INTS14: variants seen among roughly 807,000 people sequenced by gnomAD.
INTS14 encodes the protein UPF0464 protein C15orf44.
Under a neutral mutation model 56.9 loss-of-function variants are expected in INTS14, and 27 were observed. The ratio of observed to expected loss-of-function variants is 0.47; its 90% CI spans 0.35 to 0.65. The LOEUF (loss-of-function observed/expected upper bound fraction) is 0.65, where lower values mean the gene tolerates loss of function less well. Among genes scored for constraint, INTS14 ranks in the 30% least tolerant of loss-of-function variants. The pLI is 0.00. For synonymous variants in INTS14, 207 were observed against 236.2 expected (o/e 0.88, Z 1.13); for missense variants, 517 against 632.2 (o/e 0.82, Z 1.95).
chr15:65,595,762 T>A lies in INTS14; in HGVS notation c.812A>T (p.His271Leu), dbSNP rs1422448542. The change falls in exon 7 of 12, where the codon CAT (histidine) becomes CTT (leucine). Residue 271 changes from histidine to leucine, a missense_variant. Transcript: ENST00000313182. ...GTTAAGTGCTATAGGTAAGACCAGA[T>A]GTCTGGACAGAACTGGGGGACTTGA... Reference protein sequence around the residue: ...DISSPPVLSRHLVLPIALNKE... With the variant: ...DISSPPVLSRLLVLPIALNKE... 2 of 1,610,750 alleles carry A rather than the reference T, an allele frequency of 1.2e-6. No individual in the cohort carries two copies. The highest frequency in any genetic ancestry group is 1.7e-6 in the Non-Finnish European group (2 of 1,179,082).
chr15:65,605,699 C>T (rs937035449), intron 2 of INTS14, among the ~76,000 whole-genome samples: 4 of 152,170 alleles, frequency 2.6e-5, no homozygotes, highest in African/African-American at 9.7e-5. Flanking sequence ...TTTCCCAGGT[C>T]TCATGACTAA....
chr15:65,610,583 T>C, intron 1 of INTS14: 1 of 1,340,616 alleles, frequency 7.5e-7, no homozygotes, highest in Non-Finnish European at 1.0e-6. Context: ...GCTAGACGTT[T>C]GTAATTCTTC....
At chr15:65,584,533 GTCTTCCT>G (rs1041043429) in intron 10 of INTS14, among the ~76,000 whole-genome samples, 2 of 152,128 alleles carry the variant, frequency 1.3e-5, no homozygotes, top group African/African-American at 4.8e-5. Context: ...TGGCACAATT[GTCTTCCT>G]TCTTCCTCCT....
intron 4 of INTS14, 128 bp from the exon 5 acceptor site, chr15:65,599,118 T>G (rs1398944738): frequency 1.6e-6 from 1 of 631,454 alleles, no homozygotes; most frequent in East Asian, 2.8e-5. Flanking sequence ...TAATAGCCAA[T>G]GTGAGAAGAA....
intron 9 of INTS14, among the ~76,000 whole-genome samples, chr15:65,590,515 A>G (rs763006296): frequency 6.6e-6 from 1 of 152,044 alleles, no homozygotes; most frequent in Non-Finnish European, 1.5e-5. Flanking sequence ...TTTGTGCCAC[A>G]CTTCCTTTTC....
At chr15:65,589,136 C>T (rs935672723) in intron 9 of INTS14, among the ~76,000 whole-genome samples, 3 of 152,196 alleles carry the variant, frequency 2.0e-5, no homozygotes, top group Non-Finnish European at 1.5e-5. Flanking sequence ...AGATAGGCAT[C>T]TTTGGTGAAA....
At chr15:65,583,682 A>G (rs2072711266) in intron 10 of INTS14, among the ~76,000 whole-genome samples, 2 of 152,206 alleles carry the variant, frequency 1.3e-5, no homozygotes, top group Non-Finnish European at 2.9e-5. Flanking sequence ...CATTTTATGT[A>G]TATTTTACCA....
rs1040493698 is a variant in INTS14, at chr15:65,579,127, A to G, written c.*281T>C. 6 of 363,350 alleles carry G rather than the reference A, an allele frequency of 1.7e-5. No homozygotes were observed. Among genetic ancestry groups the G allele is most frequent in the Non-Finnish European group, 2.5e-5 (5 of 198,872 alleles). 22.5% of individuals were successfully genotyped at this position (363,350 alleles called of 1,614,324 possible). A position where few individuals can be genotyped will look rare whatever the true frequency, so the allele number is the denominator to read the frequency against. ...AGGAAGGCAGGGGTGCTCTATGCTC[A>G]TCAGTCATTCAAGCTTCTCAGGAAA... On this transcript the variant is annotated 3_prime_UTR_variant, in exon 12 of 12. Transcript: ENST00000313182.
At position 65,593,409 on chromosome 15, in the gene INTS14, T is replaced by G; in HGVS notation, c.986+19A>C. The G allele has an allele frequency of 6.3e-7, 1 of 1,597,754 alleles. No individual in the cohort carries two copies. On this transcript the variant is annotated intron_variant, in intron 8 of 11. Transcript: ENST00000313182. ...TGATTTTCCCTTTCATTCAACCAAA[T>G]GTAAACAAAGTTTCCTACCCTAATT...
chr15:65,585,052 T>C (rs1258577497), intron 9 of INTS14, among the ~76,000 whole-genome samples, 164 bp from the exon 10 acceptor site: 3 of 152,274 alleles, frequency 2.0e-5, no homozygotes, highest in Non-Finnish European at 4.4e-5. Flanking sequence ...CTGTTCTCAA[T>C]AGAAAGCCAC....
chr15:65,601,800 T>C (rs2073443639), intron 3 of INTS14, among the ~76,000 whole-genome samples: 1 of 152,198 alleles, frequency 6.6e-6, no homozygotes, highest in African/African-American at 2.4e-5. Flanking sequence ...GTACCAAGAA[T>C]TGCTATACAA....
chr15:65,586,698 A>G (rs1416322305), intron 9 of INTS14: 1 of 152,246 alleles, frequency 6.6e-6, no homozygotes, highest in Non-Finnish European at 1.5e-5. Flanking sequence ...AAAAGTTATA[A>G]GATAAATTTG....
rs552491278 is a variant in INTS14 at position 65,587,843 on chromosome 15, A to G, written c.1121-2955T>C. 2.0e-3 allele frequency among the ~76,000 whole-genome samples: 302 copies of G among 152,206 alleles called. 1 individual carries two copies. The highest frequency in any genetic ancestry group is 0.012 in the South Asian group (60 of 4,820). ...AAAAAATCAAAAAAATTAGCCAGGC[A>G]TGGTGGCATGCACCCGTGGTCCCAG... On this transcript the variant is annotated intron_variant, in intron 9 of 11. Transcript: ENST00000313182.
intron 9 of INTS14, among the ~76,000 whole-genome samples, chr15:65,590,279 C>T (rs1475797111): frequency 6.6e-6 from 1 of 152,232 alleles, no homozygotes; most frequent in Admixed American, 6.5e-5. Context: ...TATGGCCATA[C>T]TGTACAACTG....
chr15:65,611,127 G>C lies in INTS14; in HGVS notation c.-92C>G, dbSNP rs1045172156. ...TGCCCATCGCCGGACACAGTCCGTCGGCATAAACTTTCCGTCGGCATAAAC... is the reference window on the plus strand; with the variant it reads ...TGCCCATCGCCGGACACAGTCCGTCCGCATAAACTTTCCGTCGGCATAAAC... On this transcript the variant is annotated 5_prime_UTR_variant, in exon 1 of 12. Transcript: ENST00000313182. 1.8e-5 allele frequency: 28 copies of C among 1,534,864 alleles called. No individual in the cohort carries two copies. The South Asian group carries it at 3.1e-4, about 17-fold the overall frequency.
chr15:65,603,273 T>C (rs745842556), intron 3 of INTS14, among the ~76,000 whole-genome samples: 4 of 152,256 alleles, frequency 2.6e-5, no homozygotes, highest in Admixed American at 6.5e-5. Flanking sequence ...AATGTTTTTG[T>C]TGTTTTCTAA....
intron 9 of INTS14, among the ~76,000 whole-genome samples, chr15:65,588,561 G>A (rs898269238): frequency 1.3e-5 from 2 of 151,832 alleles, no homozygotes; most frequent in African/African-American, 4.8e-5. Flanking sequence ...ACAGCTATTA[G>A]GGAGGCAGAG....
chr15:65,589,611 T>C (rs1195191995), intron 9 of INTS14, among the ~76,000 whole-genome samples: 1 of 152,228 alleles, frequency 6.6e-6, no homozygotes, highest in East Asian at 1.9e-4. Context: ...TTGTATCTGT[T>C]ACCTCTGCCT....
chr15:65,596,447 A>G (rs554984666), intron 6 of INTS14, among the ~76,000 whole-genome samples: 2 of 152,358 alleles, frequency 1.3e-5, no homozygotes, highest in African/African-American at 4.8e-5. Context: ...GTCACTCATT[A>G]TTCATAATCA....
Sources: allele counts gnomAD v4.1 joint callset (sites outside exome capture counted in the v4.1 genomes callset), GRCh38; gene constraint gnomAD v4.1.1; transcripts MANE v1.5; gene names NCBI Gene and HGNC (gene_info 2026-07-23, HGNC 2026-07-21).